The following SLC2A9 variants were observed in gnomAD, a reference collection of about 807,000 sequenced individuals.
The protein encoded by SLC2A9 is solute carrier family 2, facilitated glucose transporter member 9.
Under a neutral mutation model 50.6 loss-of-function variants are expected in SLC2A9, and 39 were observed. The ratio of observed to expected loss-of-function variants is 0.77; its 90% CI spans 0.60 to 1.01. The LOEUF is 1.01. Among genes scored for constraint, SLC2A9 ranks in the 50% least tolerant of loss-of-function variants. SLC2A9 has a pLI of 0.00. For synonymous variants in SLC2A9, 324 were observed against 276.9 expected, an observed-to-expected ratio of 1.17 and a Z score of -1.69; for missense variants, 686 against 677.6, an observed-to-expected ratio of 1.01 and a Z score of -0.14.
intron 2 of SLC2A9, among the ~76,000 whole-genome samples, chr4:9,999,258 G>A (rs1284044990): frequency 3.3e-5 from 5 of 152,004 alleles, no homozygotes; most frequent in East Asian, 1.9e-4. Flanking sequence ...AGGAGGTCTC[G>A]CCATGTTCCC....
At chr4:9,897,022 C>A (rs1190227805) in intron 8 of SLC2A9, among the ~76,000 whole-genome samples, 1 of 152,142 alleles carries the variant, frequency 6.6e-6, no homozygotes, top group South Asian at 2.1e-4. Context: ...ACTCTGATTA[C>A]ATTTTCTTGG....
At chr4:9,877,523 G>A (rs1343783677) in intron 10 of SLC2A9, among the ~76,000 whole-genome samples, 4 of 152,196 alleles carry the variant, frequency 2.6e-5, no homozygotes, top group Non-Finnish European at 2.9e-5. Flanking sequence ...ATGTTTGGAC[G>A]AATCCCAGGC....
intron 11 of SLC2A9, among the ~76,000 whole-genome samples, chr4:9,834,028 C>A (rs1726627596): frequency 6.6e-6 from 1 of 152,218 alleles, no homozygotes; most frequent in African/African-American, 2.4e-5. Flanking sequence ...CTTGCTCACT[C>A]TGTTTCAGTC....
intron 3 of SLC2A9, among the ~76,000 whole-genome samples, chr4:9,987,866 G>C (rs1757009751): frequency 6.6e-6 from 1 of 152,158 alleles, no homozygotes; most frequent in Admixed American, 6.5e-5. Context: ...AGAAACATCA[G>C]TGAGGCCAGC....
chr4:9,939,677 T>C (rs1006971787), intron 6 of SLC2A9, among the ~76,000 whole-genome samples: 1 of 152,178 alleles, frequency 6.6e-6, no homozygotes, highest in Admixed American at 6.5e-5. Context: ...AGCTAATGTA[T>C]GTGAAGTGCT....
chr4:9,835,049 GA>G, intron 10 of SLC2A9, 41 bp from the exon 11 acceptor site: 1 of 1,612,070 alleles, frequency 6.2e-7, no homozygotes, highest in Non-Finnish European at 8.5e-7. Context: ...ATCACTCTGA[GA>G]AGGTCATGCC....
At chr4:9,994,930 C>T (rs377226816) in intron 3 of SLC2A9, among the ~76,000 whole-genome samples, 15 of 152,084 alleles carry the variant, frequency 9.9e-5, no homozygotes, top group East Asian at 3.9e-4. Context: ...GGGCAGGAGG[C>T]TTAGTGACCA....
intron 11 of SLC2A9, among the ~76,000 whole-genome samples, chr4:9,831,905 G>C (rs1161683951): frequency 6.6e-6 from 1 of 152,224 alleles, no homozygotes; most frequent in East Asian, 1.9e-4. Context: ...CTCAGCATGA[G>C]CTGGAACCTG....
chr4:9,782,158 C>G (rs536904632), intron 3 of SLC2A9: 2 of 1,585,410 alleles, frequency 1.3e-6, no homozygotes, highest in African/African-American at 2.7e-5. Flanking sequence ...AGGTGGTCAC[C>G]GCCTGCCTGC....
At chr4:9,835,527 A>G (rs890969126) in intron 10 of SLC2A9, among the ~76,000 whole-genome samples, 1 of 152,230 alleles carries the variant, frequency 6.6e-6, no homozygotes, top group African/African-American at 2.4e-5. Flanking sequence ...AGGGACTTTT[A>G]CTAAACTCTA....
intron 5 of SLC2A9, among the ~76,000 whole-genome samples, chr4:9,959,395 C>CAA (rs397973896): frequency 0.14 from 17,780 of 124,678 alleles, 1,516 homozygotes; most frequent in Non-Finnish European, 0.21. Context: ...AACTCTGTCT[C>CAA]AAAAAAAAAA....
chr4:9,836,182 C>G (rs1462194992), intron 10 of SLC2A9, among the ~76,000 whole-genome samples: 1 of 147,282 alleles, frequency 6.8e-6, no homozygotes, highest in African/African-American at 2.5e-5. Flanking sequence ...TTATAAAACA[C>G]TACAAATTGG....
At chr4:9,939,353 T>C (rs1429996152) in intron 6 of SLC2A9, among the ~76,000 whole-genome samples, 1 of 152,166 alleles carries the variant, frequency 6.6e-6, no homozygotes, top group Non-Finnish European at 1.5e-5. Context: ...CTAAAGCCAA[T>C]GTGTTTTGGG....
In SLC2A9 at chr4:9,842,660, T is replaced by C. The variant is rs527932112; in HGVS notation, c.1292-7652A>G. Among the ~76,000 whole-genome samples the C allele has an allele frequency of 2.0e-5, 3 of 152,340 alleles. No homozygotes were observed. In the South Asian group the frequency reaches 6.2e-4, roughly 32 times the overall value. Reference sequence around the variant, plus strand: ...ACAGAAAGATGGGGAAGGTGTCATGTCTGTATCCAATGTGTCTTGCACAGG... The same window carrying C: ...ACAGAAAGATGGGGAAGGTGTCATGCCTGTATCCAATGTGTCTTGCACAGG... On this transcript the variant is annotated intron_variant, in intron 10 of 11. Transcript: ENST00000264784.
chr4:9,807,502 AG>A (rs1184046819), intron 3 of SLC2A9, among the ~76,000 whole-genome samples: 1 of 152,106 alleles, frequency 6.6e-6, no homozygotes. Context: ...TCTGTTTATC[AG>A]TTCTCTCCTC....
chr4:9,926,088 G>A (rs1244451283), intron 6 of SLC2A9, among the ~76,000 whole-genome samples: 2 of 152,118 alleles, frequency 1.3e-5, no homozygotes, highest in Non-Finnish European at 2.9e-5. Context: ...CTGGCCTGGA[G>A]ACCCCTCCAG....
At position 9,902,027 on chromosome 4, in the gene SLC2A9, C is replaced by T. The variant is rs149775532; in HGVS notation, c.1113+6208G>A. Among the ~76,000 whole-genome samples the T allele has an allele frequency of 2.6e-3, 396 of 152,314 alleles. 1 individual carries two copies. Among genetic ancestry groups the T allele is most frequent in the African/African-American group, 9.0e-3 (375 of 41,570 alleles). On this transcript the variant is annotated intron_variant, in intron 8 of 11. Transcript: ENST00000264784. ...CCTCGGCTGCCCTGAATTAATCTGC[C>T]TTCGAGCTGCTCAGGTTCACTGTGT...
At chr4:9,833,375 T>A (rs16889264) in intron 11 of SLC2A9, among the ~76,000 whole-genome samples, 2 of 152,074 alleles carry the variant, frequency 1.3e-5, no homozygotes, top group Admixed American at 1.3e-4. Context: ...TAGCAAGTGA[T>A]GGATGGAGAG....
chr4:9,823,638 A>G (rs1171955925), downstream of SLC2A9, among the ~76,000 whole-genome samples: 1 of 152,222 alleles, frequency 6.6e-6, no homozygotes, highest in Non-Finnish European at 1.5e-5. Context: ...AAGTAATACA[A>G]TATTAAGGAC....
Sources: gnomAD v4.1 joint callset for allele counts (sites outside exome capture counted in the v4.1 genomes callset) on GRCh38, gnomAD v4.1.1 for gene constraint, MANE v1.5 for transcripts, NCBI Gene and HGNC (gene_info 2026-07-23, HGNC 2026-07-21) for gene names.